GALNT13: variants seen among roughly 807,000 people sequenced by gnomAD.
GALNT13 encodes polypeptide N-acetylgalactosaminyltransferase 13.
Under a neutral mutation model 64.2 loss-of-function variants are expected in GALNT13, and 28 were observed. That is an observed-to-expected ratio of 0.44 (90% CI 0.32 to 0.60). The LOEUF (loss-of-function observed/expected upper bound fraction) is 0.60. Ranked by LOEUF, GALNT13 falls within the 20% of genes least tolerant of loss-of-function variation. GALNT13 has a pLI of 0.05. For synonymous variants in GALNT13, 214 were observed against 224.6 expected, an observed-to-expected ratio of 0.95 and a Z score of 0.42; for missense variants, 577 against 669.8, an observed-to-expected ratio of 0.86 and a Z score of 1.53.
chr2:153,636,254 T>G, the GALNT13 span, among the ~76,000 whole-genome samples: 1 of 152,172 alleles, frequency 6.6e-6, no homozygotes, highest in Non-Finnish European at 1.5e-5. Flanking sequence ...CTAGTTATTT[T>G]TTAATATTCC....
the GALNT13 span, among the ~76,000 whole-genome samples, chr2:153,117,722 T>A: frequency 6.6e-6 from 1 of 152,166 alleles, no homozygotes; most frequent in Admixed American, 6.5e-5. Context: ...TTTGCTTGAA[T>A]TTCCTGTAGA....
At chr2:154,162,238 C>T (rs1363528475) in intron 4 of GALNT13, among the ~76,000 whole-genome samples, 2 of 152,156 alleles carry the variant, frequency 1.3e-5, no homozygotes, top group Non-Finnish European at 2.9e-5. Context: ...GAACCACCAA[C>T]TTGTGTATGT....
At chr2:153,473,769 T>A in the GALNT13 span, among the ~76,000 whole-genome samples, 1 of 152,208 alleles carries the variant, frequency 6.6e-6, no homozygotes, top group African/African-American at 2.4e-5. Context: ...CTAAACTGCA[T>A]GTGGAACAGG....
rs575689337 is a variant in GALNT13, at chr2:154,288,156, G to A, written c.976-13253G>A. Among the ~76,000 whole-genome samples the A allele has an allele frequency of 3.9e-5, 6 of 152,268 alleles. No individual in the cohort carries two copies. In the South Asian group the frequency reaches 1.2e-3, roughly 32 times the overall value. Reference sequence around the variant, plus strand: ...GAGGAAAGTGACATCTTACATGGAGGCAGGAAAGAGCGCTTGTGTAGGATA... The same window carrying A: ...GAGGAAAGTGACATCTTACATGGAGACAGGAAAGAGCGCTTGTGTAGGATA... On this transcript the variant is annotated intron_variant, in intron 8 of 12. Coordinates refer to ENST00000392825, the MANE Select transcript of GALNT13 (RefSeq NM_052917.4).
intron 1 of GALNT13, among the ~76,000 whole-genome samples, chr2:153,899,929 ATATATATT>A (rs1227843628): frequency 7.5e-4 from 66 of 88,376 alleles, no homozygotes; most frequent in African/African-American, 2.2e-3. Context: ...ATATATATAT[ATATATATT>A]TTTTTTTTTT....
chr2:154,360,806 T>C (rs1697024708), intron 9 of GALNT13, among the ~76,000 whole-genome samples: 1 of 152,048 alleles, frequency 6.6e-6, no homozygotes, highest in African/African-American at 2.4e-5. Context: ...GGCACCATGA[T>C]AGCTCTCAGG....
chr2:153,105,041 C>G, the GALNT13 span, among the ~76,000 whole-genome samples: 2 of 116,294 alleles, frequency 1.7e-5, no homozygotes, highest in African/African-American at 6.5e-5. Flanking sequence ...CCCCCTCCCC[C>G]CACCCGACAA....
intron 3 of GALNT13, among the ~76,000 whole-genome samples, chr2:153,952,155 G>C (rs547525398): frequency 2.8e-4 from 42 of 152,250 alleles, no homozygotes; most frequent in African/African-American, 9.6e-4. Flanking sequence ...TAATTTGGCA[G>C]AGTTAGAATA....
At chr2:153,822,985 AC>A in the GALNT13 span, among the ~76,000 whole-genome samples, 1 of 152,200 alleles carries the variant, frequency 6.6e-6, no homozygotes, top group Non-Finnish European at 1.5e-5. Flanking sequence ...ATAATGTTCA[AC>A]CTGAGAGTCA....
At chr2:153,624,929 C>G in the GALNT13 span, among the ~76,000 whole-genome samples, 3 of 149,776 alleles carry the variant, frequency 2.0e-5, no homozygotes, top group African/African-American at 7.4e-5. Flanking sequence ...AGTTTCAAAA[C>G]AGTACAATAC....
At chr2:153,457,452 G>T in the GALNT13 span, among the ~76,000 whole-genome samples, 1 of 152,040 alleles carries the variant, frequency 6.6e-6, no homozygotes, top group Non-Finnish European at 1.5e-5. Flanking sequence ...AATATATAAG[G>T]TTGCAGCTCA....
chr2:153,582,386 C>A, the GALNT13 span, among the ~76,000 whole-genome samples: 1 of 151,830 alleles, frequency 6.6e-6, no homozygotes, highest in East Asian at 1.9e-4. Flanking sequence ...AATGTTGAAC[C>A]ATTCAAATAC....
In GALNT13 at chr2:154,386,659, A is replaced by G. The variant is rs570249201; in HGVS notation, c.1157-9332A>G. ...CAAGATAATGCTGAAATATACAGCT[A>G]TATATTAGACTGAGTTAATTCTAGA... On this transcript the variant is annotated intron_variant, in intron 9 of 12. Coordinates refer to ENST00000392825, the MANE Select transcript of GALNT13 (RefSeq NM_052917.4). Among the ~76,000 whole-genome samples, 5 of 152,224 alleles carry G rather than the reference A, an allele frequency of 3.3e-5. No homozygotes were observed. In the Middle Eastern group the frequency reaches 0.01, roughly 311 times the overall value.
chr2:153,122,972 AACTGGAGGT>A, the GALNT13 span, among the ~76,000 whole-genome samples: 1 of 152,100 alleles, frequency 6.6e-6, no homozygotes, highest in African/African-American at 2.4e-5. Context: ...AAGATGAGGG[AACTGGAGGT>A]ACAAAGGAGA....
At chr2:153,883,093 AT>A (rs1686894398) in intron 1 of GALNT13, among the ~76,000 whole-genome samples, 1 of 147,838 alleles carries the variant, frequency 6.8e-6, no homozygotes, top group African/African-American at 2.5e-5. Flanking sequence ...ATATATATAT[AT>A]ATAATTCTTG....
At chr2:153,875,424 C>G (rs990778045) in intron 1 of GALNT13, among the ~76,000 whole-genome samples, 1 of 151,866 alleles carries the variant, frequency 6.6e-6, no homozygotes, top group Admixed American at 6.6e-5. Context: ...TTTGAGAGAC[C>G]TTCTATTTGT....
the GALNT13 span, among the ~76,000 whole-genome samples, chr2:153,355,955 G>A: frequency 2.0e-5 from 3 of 152,282 alleles, no homozygotes; most frequent in East Asian, 5.8e-4. Flanking sequence ...ATATGAATGA[G>A]CTTTGGAGTT....
At chr2:153,791,591 T>C in the GALNT13 span, among the ~76,000 whole-genome samples, 1 of 152,140 alleles carries the variant, frequency 6.6e-6, no homozygotes, top group Non-Finnish European at 1.5e-5. Flanking sequence ...CACAAAGGAA[T>C]ATCAATTTTT....
At chr2:154,106,393 C>T (rs1702616491) in intron 3 of GALNT13, among the ~76,000 whole-genome samples, 1 of 151,984 alleles carries the variant, frequency 6.6e-6, no homozygotes, top group African/African-American at 2.4e-5. Flanking sequence ...TTTTCTTTTG[C>T]ATATGTATGT....
Sources: allele counts gnomAD v4.1 joint callset (sites outside exome capture counted in the v4.1 genomes callset), GRCh38; gene constraint gnomAD v4.1.1; transcripts MANE v1.5; gene names NCBI Gene and HGNC (gene_info 2026-07-23, HGNC 2026-07-21).